Variants in CLIC4 observed in about 807,000 individuals in gnomAD.
CLIC4 encodes CLIC family member 4.
CLIC4 carries 13 observed loss-of-function variants against 24.6 expected under a neutral mutation model. That is an observed-to-expected ratio of 0.53 (90% CI 0.34 to 0.84). The LOEUF (loss-of-function observed/expected upper bound fraction) is 0.84, where lower values mean the gene tolerates loss of function less well. CLIC4 is among the 40% of genes least tolerant of loss of function. The pLI is 0.01. For synonymous variants in CLIC4, 104 were observed against 111.3 expected (o/e 0.93, Z 0.41); for missense variants, 227 against 301.7 (o/e 0.75, Z 1.83).
intron 1 of CLIC4, among the ~76,000 whole-genome samples, chr1:24,764,623 C>T (rs1011048511): frequency 7.2e-5 from 11 of 151,768 alleles, no homozygotes; most frequent in African/African-American, 2.4e-4. Context: ...TACTGTACTC[C>T]ACCCTGGGCG....
intron 4 of CLIC4, among the ~76,000 whole-genome samples, chr1:24,834,958 CGGGAGAGGGAGACGGGAGA>C (rs1639872507): frequency 0.016 from 2 of 128 alleles, 1 homozygote; most frequent in African/African-American, 0.016. Context: ...GAGAGGGAGA[CGGGAGAGGGAGACGGGAGA>C]GGGAGAGGGA....
chr1:24,818,730 G>A (rs1262158851), intron 3 of CLIC4, among the ~76,000 whole-genome samples: 1 of 151,826 alleles, frequency 6.6e-6, no homozygotes, highest in Non-Finnish European at 1.5e-5. Context: ...TGGGTGGAGA[G>A]GTGTTTATGG....
At chr1:24,754,735 T>C (rs906624886) in intron 1 of CLIC4, among the ~76,000 whole-genome samples, 2 of 152,078 alleles carry the variant, frequency 1.3e-5, no homozygotes, top group African/African-American at 4.8e-5. Context: ...TTGCCTCTTA[T>C]CTCTCAGTGG....
chr1:24,835,845 A>G (rs1051512370), intron 4 of CLIC4, among the ~76,000 whole-genome samples: 4 of 152,226 alleles, frequency 2.6e-5, no homozygotes, highest in Admixed American at 2.6e-4. Context: ...AATAAGAAGT[A>G]TATAGCAGAT....
intron 3 of CLIC4, among the ~76,000 whole-genome samples, chr1:24,814,902 T>C (rs1487097916): frequency 6.6e-6 from 1 of 152,202 alleles, no homozygotes; most frequent in Admixed American, 6.5e-5. Context: ...ACCAAAACCT[T>C]TCTTACTGGT....
At chr1:24,806,975 C>T (rs113060042) in intron 2 of CLIC4, among the ~76,000 whole-genome samples, 28 of 151,956 alleles carry the variant, frequency 1.8e-4, no homozygotes, top group East Asian at 5.8e-4. Flanking sequence ...TTCTCTGATA[C>T]GCTAGTTTTC....
At chr1:24,815,921 G>A (rs1247184551) in intron 3 of CLIC4, among the ~76,000 whole-genome samples, 1 of 151,978 alleles carries the variant, frequency 6.6e-6, no homozygotes, top group Non-Finnish European at 1.5e-5. Context: ...TAAATTCCTT[G>A]TTGTCATTTC....
Position 24,745,451 on chromosome 1 carries a change from C to A in CLIC4, c.-103C>A. 1 of 1,073,406 alleles carries A rather than the reference C, an allele frequency of 9.3e-7. No individual in the cohort carries two copies. The highest frequency in any genetic ancestry group is 1.4e-6 in the Non-Finnish European group (1 of 738,114). The allele number at this position is 1,073,406 out of a possible 1,614,324, so 66.5% of individuals were successfully genotyped here. A position where few individuals can be genotyped will look rare whatever the true frequency, so the allele number is the denominator to read the frequency against. ...GTGGCCAGCTCGACGCCGGACAGTC[C>A]AGCGAGCAGCACGGCGGGAACCGGC... On this transcript the variant is annotated 5_prime_UTR_variant, in exon 1 of 6. Transcript: ENST00000374379.
intron 5 of CLIC4, 45 bp from the exon 6 acceptor site, chr1:24,840,728 G>T (rs1639933244): frequency 2.0e-6 from 3 of 1,494,860 alleles, no homozygotes; most frequent in Non-Finnish European, 2.7e-6. Context: ...TAGTTTACAA[G>T]ACGTGGAAAT....
chr1:24,776,447 A>G (rs553800520), intron 1 of CLIC4, among the ~76,000 whole-genome samples: 1 of 152,318 alleles, frequency 6.6e-6, no homozygotes, highest in East Asian at 1.9e-4. Context: ...TATAGCTGTT[A>G]TGATAGGCAG....
At chr1:24,785,854 CAAAAAAAAA>C (rs61009244) in intron 1 of CLIC4, among the ~76,000 whole-genome samples, 132 of 58,878 alleles carry the variant, frequency 2.2e-3, no homozygotes, top group African/African-American at 9.8e-3. Flanking sequence ...GACTACAACT[CAAAAAAAAA>C]AAAAAAAAAA....
chr1:24,793,046 T>C (rs999774919), intron 1 of CLIC4: 7 of 152,196 alleles, frequency 4.6e-5, no homozygotes, highest in Non-Finnish European at 8.8e-5. Context: ...ACTTAATGAT[T>C]TTAACACTGC....
Position 24,767,024 on chromosome 1 carries a change from T to TAA in CLIC4, c.72+21422_72+21423dup, listed in dbSNP as rs34142565. Reference sequence around the variant, plus strand: ...AATACACTAACAATAGCTGATGAGCTAAAAAAAAAAAAAAAAAAAAAAAAG... The same window carrying TAA: ...AATACACTAACAATAGCTGATGAGCTAAAAAAAAAAAAAAAAAAAAAAAAAAG... On this transcript the variant is annotated intron_variant, in intron 1 of 5. Coordinates refer to ENST00000374379, the MANE Select transcript of CLIC4 (RefSeq NM_013943.3). Among the ~76,000 whole-genome samples, 324 of 71,088 alleles carry TAA rather than the reference T, an allele frequency of 4.6e-3. 1 individual carries two copies. Among genetic ancestry groups the TAA allele is most frequent in the African/African-American group, 0.02 (290 of 14,160 alleles). The allele number at this position is 71,088 out of a possible 152,430, so 46.6% of individuals were successfully genotyped here. A position where few individuals can be genotyped will look rare whatever the true frequency, so the allele number is the denominator to read the frequency against.
intron 1 of CLIC4, among the ~76,000 whole-genome samples, chr1:24,750,645 G>T (rs1159083010): frequency 1.3e-5 from 2 of 151,858 alleles, no homozygotes; most frequent in South Asian, 4.2e-4. Context: ...GATTACAGGC[G>T]TGAGCCACCG....
chr1:24,788,126 A>G (rs1210263348), intron 1 of CLIC4, among the ~76,000 whole-genome samples: 2 of 152,134 alleles, frequency 1.3e-5, no homozygotes, highest in Non-Finnish European at 2.9e-5. Flanking sequence ...TGCTGGGATT[A>G]CAGGCATGAG....
At position 24,789,543 on chromosome 1, in the gene CLIC4, C is replaced by T. The variant is rs1305671850; in HGVS notation, c.73-8199C>T. On this transcript the variant is annotated intron_variant, in intron 1 of 5. Coordinates refer to ENST00000374379, the MANE Select transcript of CLIC4 (RefSeq NM_013943.3). ...AAAACAAATAAACAAACAAAAAAACCTGGAAATATATAAGAAGTATTACAT... is the reference window on the plus strand; with the variant it reads ...AAAACAAATAAACAAACAAAAAAACTTGGAAATATATAAGAAGTATTACAT... 2.6e-5 allele frequency among the ~76,000 whole-genome samples: 4 copies of T among 151,976 alleles called. No individual in the cohort carries two copies. The East Asian group carries it at 5.8e-4, about 22-fold the overall frequency.
chr1:24,802,043 C>T (rs551727888), intron 2 of CLIC4, among the ~76,000 whole-genome samples: 1 of 152,224 alleles, frequency 6.6e-6, no homozygotes, highest in African/African-American at 2.4e-5. Context: ...TGCCACCAGG[C>T]ACACACCCTT....
intron 2 of CLIC4, among the ~76,000 whole-genome samples, chr1:24,802,343 T>C (rs1639500318): frequency 6.6e-6 from 1 of 152,198 alleles, no homozygotes; most frequent in South Asian, 2.1e-4. Flanking sequence ...TTAAAGTGTG[T>C]ATGTGGAAAT....
intron 3 of CLIC4, among the ~76,000 whole-genome samples, chr1:24,821,578 A>G (rs964092829): frequency 2.6e-5 from 4 of 151,836 alleles, no homozygotes; most frequent in Non-Finnish European, 5.9e-5. Context: ...ACAGGGTCTC[A>G]CTCCTTGCTC....
Sources: allele counts gnomAD v4.1 joint callset (sites outside exome capture counted in the v4.1 genomes callset), GRCh38; gene constraint gnomAD v4.1.1; transcripts MANE v1.5; gene names NCBI Gene and HGNC (gene_info 2026-07-23, HGNC 2026-07-21).